Variants in RPA3 observed in about 807,000 individuals in gnomAD.
RPA3 encodes replication protein A3.
Under a neutral mutation model 13.7 loss-of-function variants are expected in RPA3, and 24 were observed. That is an observed-to-expected ratio of 1.75 (90% confidence interval 1.27 to 2.46). The LOEUF (loss-of-function observed/expected upper bound fraction) is 2.46. Ranked by LOEUF, RPA3 falls within the 30% of genes most tolerant of loss-of-function variation. The probability of loss-of-function intolerance (pLI) is 0.00; values close to 1 mark genes in which losing one functional copy is unlikely to be tolerated. For synonymous variants in RPA3, 59 were observed against 51.2 expected (o/e 1.15, Z -0.65); for missense variants, 183 against 151.0 (o/e 1.21, Z -1.11).
At chr7:7,696,726 G>C (rs80047105) in intron 2 of RPA3, among the ~76,000 whole-genome samples, 3,605 of 152,170 alleles carry the variant, frequency 0.024, 143 homozygotes, top group African/African-American at 0.083. Context: ...CTCAAAGTCA[G>C]CTCTCAATAG....
rs534690156 is a variant in RPA3 at position 7,700,002 on chromosome 7, C to T, written c.-1027-12674G>A. On this transcript the variant is annotated intron_variant, in intron 2 of 7. Coordinates refer to ENST00000223129, the MANE Select transcript of RPA3 (RefSeq NM_002947.5). ...TTCTCATGAAGTAAGTGTGGTGATA[C>T]TTACAAGTTATTCAAATATTTAGAG... Among the ~76,000 whole-genome samples the T allele has an allele frequency of 2.6e-5, 4 of 152,318 alleles. No individual in the cohort carries two copies. In the South Asian group the frequency reaches 8.3e-4, roughly 32 times the overall value.
At chr7:7,639,838 C>T (rs1190566120) in intron 5 of RPA3, 2 of 172,294 alleles carry the variant, frequency 1.2e-5, no homozygotes, top group African/African-American at 4.8e-5. Flanking sequence ...GGGAACTTCA[C>T]TTTAATACTG....
intron 2 of RPA3, among the ~76,000 whole-genome samples, chr7:7,700,567 T>G (rs11765275): frequency 0.077 from 11,749 of 151,722 alleles, 497 homozygotes; most frequent in Middle Eastern, 0.12. Context: ...CTCTACAAAA[T>G]AAAAACAACA....
At chr7:7,717,079 C>T (rs527474659) in intron 1 of RPA3, among the ~76,000 whole-genome samples, 4 of 136,812 alleles carry the variant, frequency 2.9e-5, no homozygotes, top group Admixed American at 1.4e-4. Flanking sequence ...TTTTTTGAGA[C>T]GGAGTCTTGG....
intron 2 of RPA3, among the ~76,000 whole-genome samples, chr7:7,690,702 G>C (rs1225987279): frequency 6.6e-6 from 1 of 152,020 alleles, no homozygotes; most frequent in African/African-American, 2.4e-5. Flanking sequence ...TTGCTAAGGA[G>C]AGAAAGGAAG....
At chr7:7,714,192 A>T (rs28912682) in intron 2 of RPA3, among the ~76,000 whole-genome samples, 1 of 152,208 alleles carries the variant, frequency 6.6e-6, no homozygotes, top group Admixed American at 6.5e-5. Flanking sequence ...CCTTTTCTCA[A>T]AGAAAAGCAT....
intron 4 of RPA3, among the ~76,000 whole-genome samples, chr7:7,643,716 AAAAAAAAAACAAACAAACG>A (rs200748167): frequency 0.42 from 40,278 of 95,810 alleles, 7,492 homozygotes; most frequent in East Asian, 0.78. Context: ...CCTCTCAAAA[AAAAAAAAAACAAACAAACG>A]AAAAAAAAAG....
At chr7:7,706,918 A>G (rs28912696) in intron 2 of RPA3, among the ~76,000 whole-genome samples, 4,181 of 152,276 alleles carry the variant, frequency 0.027, 114 homozygotes, top group South Asian at 0.096. Context: ...CTAAGATCCT[A>G]ACAGAGGCCC....
intron 4 of RPA3, among the ~76,000 whole-genome samples, chr7:7,648,501 G>C (rs142584189): frequency 3.3e-5 from 5 of 152,108 alleles, no homozygotes; most frequent in African/African-American, 1.2e-4. Context: ...ATTATGATTT[G>C]TCTTAGTCTA....
At chr7:7,696,099 G>A (rs1208925331) in intron 2 of RPA3, among the ~76,000 whole-genome samples, 1 of 149,460 alleles carries the variant, frequency 6.7e-6, no homozygotes, top group African/African-American at 2.5e-5. Context: ...TCTACCTCCT[G>A]GGTTCAAGCG....
chr7:7,673,345 GCAGCAGCA>G, intron 4 of RPA3: 1 of 1,271,420 alleles, frequency 7.9e-7, no homozygotes, highest in Non-Finnish European at 1.1e-6. Context: ...AGCAGCAGCA[GCAGCAGCA>G]GCAGCAGCAG....
intron 4 of RPA3, among the ~76,000 whole-genome samples, chr7:7,657,867 A>G (rs760268346): frequency 1.3e-5 from 2 of 152,200 alleles, no homozygotes; most frequent in Non-Finnish European, 2.9e-5. Context: ...TGGTAGCTTG[A>G]TGGGGATAGC....
At chr7:7,689,207 A>G (rs1256174009) in intron 2 of RPA3, 1 of 152,218 alleles carries the variant, frequency 6.6e-6, no homozygotes, top group African/African-American at 2.4e-5. Flanking sequence ...TGCGACATGA[A>G]GGAAGATCAA....
intron 2 of RPA3, among the ~76,000 whole-genome samples, chr7:7,712,972 A>G (rs1250072572): frequency 6.6e-6 from 1 of 152,086 alleles, no homozygotes; most frequent in African/African-American, 2.4e-5. Context: ...TACCGAATGA[A>G]TTTGTTGATA....
intron 2 of RPA3, among the ~76,000 whole-genome samples, chr7:7,711,623 T>A (rs1282191322): frequency 6.6e-6 from 1 of 152,152 alleles, no homozygotes; most frequent in African/African-American, 2.4e-5. Context: ...TTTTTATTTA[T>A]GTTTAATAGT....
intron 4 of RPA3, among the ~76,000 whole-genome samples, chr7:7,648,028 T>C (rs568464987): frequency 1.3e-5 from 2 of 152,350 alleles, no homozygotes; most frequent in Admixed American, 6.5e-5. Flanking sequence ...ACAAGACCCA[T>C]GGGCTTGAAT....
intron 4 of RPA3, among the ~76,000 whole-genome samples, chr7:7,685,436 A>T (rs1780022027): frequency 6.6e-6 from 1 of 151,708 alleles, no homozygotes; most frequent in South Asian, 2.1e-4. Context: ...CAGCCTTCCG[A>T]GTAGCTGGGA....
intron 4 of RPA3, among the ~76,000 whole-genome samples, chr7:7,668,114 A>G (rs1458803673): frequency 3.3e-5 from 5 of 151,650 alleles, no homozygotes; most frequent in Non-Finnish European, 7.4e-5. Context: ...CGATTTCGTC[A>G]TGTTGCCCAG....
At position 7,640,464 on chromosome 7, in the gene RPA3, G is replaced by C; in HGVS notation, c.-46C>G. On this transcript the variant is annotated 5_prime_UTR_variant, in exon 5 of 8. Coordinates refer to ENST00000223129, the MANE Select transcript of RPA3 (RefSeq NM_002947.5). ...GCTGGCGGGAAACCCACGGACGACT[G>C]AAACTGTGCGCCCCGCGGGTGTCTA... 6.4e-7 allele frequency: 1 copy of C among 1,568,776 alleles called. No individual in the cohort carries two copies. The highest frequency in any genetic ancestry group is 1.1e-5 in the South Asian group (1 of 90,262).
Sources: gnomAD v4.1 joint callset for allele counts (sites outside exome capture counted in the v4.1 genomes callset) on GRCh38, gnomAD v4.1.1 for gene constraint, MANE v1.5 for transcripts, NCBI Gene and HGNC (gene_info 2026-07-23, HGNC 2026-07-21) for gene names.